Variants in NDUFA6 observed in about 807,000 individuals in gnomAD.
NDUFA6 encodes NADH:ubiquinone oxidoreductase subunit A6, also known as NADH dehydrogenase [ubiquinone] 1 alpha subcomplex subunit 6.
In NDUFA6, 10 loss-of-function variants were observed where a neutral mutation model predicts 12.5. The observed-to-expected ratio is 0.80, with a 90% CI of 0.49 to 1.35. NDUFA6 has a LOEUF of 1.35. Ranked by LOEUF, NDUFA6 falls within the 40% of genes most tolerant of loss-of-function variation. The pLI, the probability that NDUFA6 is intolerant of heterozygous loss-of-function variation, is 0.00. For missense variants in NDUFA6, 177 were observed against 173.5 expected, an observed-to-expected ratio of 1.02 and a Z score of -0.11; for synonymous variants, 66 against 63.0, an observed-to-expected ratio of 1.05 and a Z score of -0.23.
In NDUFA6 at chr22:42,090,614, G is replaced by T; in HGVS notation, c.131C>A (p.Pro44Gln). ...ELYRAWYREV[P>Q]NTVHQFQLDI... The stretch of plus-strand genomic sequence containing the variant: ...AAGCCGCTACCTCTCACCAGTGTTC[G>T]GCACCTCCCGATACCAGGCGCGGTA... The change falls in exon 1 of 3, where the codon CCG becomes CAG. Residue 44 changes from proline (P) to glutamine (Q), a missense_variant. By Grantham distance (76) the Pro-to-Gln change is moderately conservative (BLOSUM62 -1). Around this residue, in one of 3 missense-constraint regions of NDUFA6, gnomAD observed 111 missense variants for 87.2 expected, o/e 1.27. Coordinates refer to ENST00000498737, the MANE Select transcript of NDUFA6 (RefSeq NM_002490.6). 1 of 1,613,784 alleles carries T rather than the reference G, an allele frequency of 6.2e-7. No homozygotes were observed. Among genetic ancestry groups the T allele is most frequent in the Non-Finnish European group, 8.5e-7 (1 of 1,179,988 alleles).
intron 2 of NDUFA6, among the ~76,000 whole-genome samples, chr22:42,086,811 A>G (rs909125311): frequency 2.0e-5 from 3 of 152,224 alleles, no homozygotes; most frequent in Non-Finnish European, 2.9e-5. Context: ...AGAAGAGTTC[A>G]AACTTTCCTC....
chr22:42,088,359 A>G (rs1177202163), intron 1 of NDUFA6, among the ~76,000 whole-genome samples: 3 of 151,758 alleles, frequency 2.0e-5, no homozygotes, highest in Non-Finnish European at 1.5e-5. Flanking sequence ...GTGAGCCGAG[A>G]TTGCGCCACT....
At chr22:42,088,176 G>A (rs1178902343) in intron 1 of NDUFA6, among the ~76,000 whole-genome samples, 4 of 149,602 alleles carry the variant, frequency 2.7e-5, no homozygotes, top group Admixed American at 6.6e-5. Context: ...GGGAGGCCGA[G>A]GCGGGTGGAT....
chr22:42,089,327 A>AACACACACACACACACACACACAC lies in NDUFA6; in HGVS notation c.139+1255_139+1278dup, dbSNP rs59418535. Among the ~76,000 whole-genome samples, 283 of 147,236 alleles carry AACACACACACACACACACACACAC rather than the reference A, an allele frequency of 1.9e-3. 5 individuals carry two copies. Among genetic ancestry groups the AACACACACACACACACACACACAC allele is most frequent in the African/African-American group, 6.6e-3 (258 of 39,344 alleles). The stretch of plus-strand genomic sequence containing the variant: ...GCTGAATTTGAATGCACCACCCCGA[A>AACACACACACACACACACACACAC]ACACACACACACACACACACACACA... On this transcript the variant is annotated intron_variant, in intron 1 of 2. Transcript: ENST00000498737.
rs1318616651 is a variant in NDUFA6 at position 42,090,714 on chromosome 22, A to T, written c.31T>A (p.Ser11Thr). Reference sequence around the variant, plus strand: ...GGCTTCACGAAGGTGCTGGCGGTAGAAGTAGCTTGGCGGACGCCGCTCCCC... The same window carrying T: ...GGCTTCACGAAGGTGCTGGCGGTAGTAGTAGCTTGGCGGACGCCGCTCCCC... MAGSGVRQAT[S>T]TASTFVKPIF... The change falls in exon 1 of 3, where the codon TCT (serine) becomes ACT (threonine). Residue 11 changes from serine (S) to threonine (T), a missense_variant. Ser to Thr is a moderately conservative substitution (Grantham distance 58). Transcript: ENST00000498737. 6.2e-7 allele frequency: 1 copy of T among 1,614,182 alleles called. No homozygotes were observed. The highest frequency in any genetic ancestry group is 8.5e-7 in the Non-Finnish European group (1 of 1,180,042).
intron 1 of NDUFA6, among the ~76,000 whole-genome samples, chr22:42,087,568 C>T (rs1438835945): frequency 1.3e-5 from 2 of 151,452 alleles, no homozygotes; most frequent in Non-Finnish European, 1.5e-5. Flanking sequence ...TTTGGGAGGC[C>T]GAGGTGGGCG....
In NDUFA6 at chr22:42,090,615, G is replaced by A. The variant is rs747315946; in HGVS notation, c.130C>T (p.Pro44Ser). 1.2e-6 allele frequency: 2 copies of A among 1,613,684 alleles called. No individual in the cohort carries two copies. The highest frequency in any genetic ancestry group is 1.3e-5 in the African/African-American group (1 of 74,944). Reference protein sequence around the residue: ...ELYRAWYREVPNTVHQFQLDI... With the variant: ...ELYRAWYREVSNTVHQFQLDI... ...AGCCGCTACCTCTCACCAGTGTTCG[G>A]CACCTCCCGATACCAGGCGCGGTAG... The change falls in exon 1 of 3, where the codon CCG becomes TCG. Residue 44 changes from proline to serine, a missense_variant. This residue lies in a region of NDUFA6 where 111 missense variants were observed against 87.2 expected (regional missense o/e 1.27). Transcript: ENST00000498737.
rs530030412 is a variant in NDUFA6 at position 42,085,980 on chromosome 22, T to A, written c.*203A>T. Reference sequence around the variant, plus strand: ...ACATGCAAGGCTCTGAGAAAAATAATTCAATCCAATTTACAGCAAACACCA... The same window carrying A: ...ACATGCAAGGCTCTGAGAAAAATAAATCAATCCAATTTACAGCAAACACCA... On this transcript the variant is annotated 3_prime_UTR_variant, in exon 3 of 3. Coordinates refer to ENST00000498737, the MANE Select transcript of NDUFA6 (RefSeq NM_002490.6). 1 of 672,878 alleles carries A rather than the reference T, an allele frequency of 1.5e-6. No homozygotes were observed. The highest frequency in any genetic ancestry group is 2.7e-5 in the East Asian group (1 of 36,720). 41.7% of individuals were successfully genotyped at this position (672,878 alleles called of 1,614,324 possible).
Position 42,085,584 on chromosome 22 carries a change from C to T in NDUFA6, c.*599G>A. On this transcript the variant is annotated 3_prime_UTR_variant, in exon 3 of 3. Transcript: ENST00000498737. ...CCACTGAGAGGTACACCAGGGTTTC[C>T]AAAGACAGTAGGAATATTTCTGTTC... is the stretch of plus-strand genomic sequence containing the variant. The T allele has an allele frequency of 6.2e-6, 1 of 162,288 alleles. No individual in the cohort carries two copies. Among genetic ancestry groups the T allele is most frequent in the East Asian group, 1.8e-4 (1 of 5,574 alleles). The allele number at this position is 162,288 out of a possible 1,614,324, so 10.1% of individuals were successfully genotyped here.
intron 1 of NDUFA6, among the ~76,000 whole-genome samples, chr22:42,088,514 G>C (rs1928414836): frequency 6.6e-6 from 1 of 152,154 alleles, no homozygotes; most frequent in Admixed American, 6.5e-5. Flanking sequence ...GAGGTCAGGA[G>C]TTCAAGACAG....
rs373086282 is a variant in NDUFA6 at position 42,087,104 on chromosome 22, C to T, written c.211G>A (p.Ala71Thr). Residue 71 changes from alanine (A) to threonine (T), a missense_variant, in exon 2 of 3, where the codon GCC (alanine) becomes ACC (threonine). Around this residue, in one of 3 missense-constraint regions of NDUFA6, gnomAD observed 4 missense variants for 16.9 expected, o/e 0.24. Transcript: ENST00000498737. ...DKVREMFMKN[A>T]HVTDPRVVDL... ...ACCACCCTGGGGTCTGTGACATGGG[C>T]ATTCTTCATAAACATTTCTCGGACT... is the stretch of plus-strand genomic sequence containing the variant. 1.9e-6 allele frequency: 3 copies of T among 1,614,162 alleles called. No individual in the cohort carries two copies. Among genetic ancestry groups the T allele is most frequent in the Admixed American group, 1.7e-5 (1 of 60,018 alleles).
chr22:42,088,032 C>T (rs1261346261), intron 1 of NDUFA6, among the ~76,000 whole-genome samples: 4 of 140,306 alleles, frequency 2.9e-5, no homozygotes, highest in African/African-American at 5.4e-5. Context: ...CACTTGAACC[C>T]GGGAGGTGGA....
At chr22:42,087,291 G>T in intron 1 of NDUFA6, 116 bp from the exon 2 acceptor site, 1 of 794,860 alleles carries the variant, frequency 1.3e-6, no homozygotes. Context: ...CAAAAAATTA[G>T]CCTGACCCTA....
At chr22:42,087,991 C>T (rs959522628) in intron 1 of NDUFA6, among the ~76,000 whole-genome samples, 6 of 150,420 alleles carry the variant, frequency 4.0e-5, no homozygotes, top group African/African-American at 1.5e-4. Context: ...GCCTGTAATC[C>T]CAGCTACTCG....
At chr22:42,090,537 AC>A (rs1928575849) in intron 1 of NDUFA6, 68 bp downstream of exon 1, 16 of 1,586,364 alleles carry the variant, frequency 1.0e-5, no homozygotes, top group Non-Finnish European at 1.3e-5. Context: ...CCCATGAGAA[AC>A]CCCGGCCGGG....
Position 42,085,796 on chromosome 22 carries a change from C to G in NDUFA6, c.*387G>C. On this transcript the variant is annotated 3_prime_UTR_variant, in exon 3 of 3. Coordinates refer to ENST00000498737, the MANE Select transcript of NDUFA6 (RefSeq NM_002490.6). The stretch of plus-strand genomic sequence containing the variant: ...TTGCGCCTGTTAGTGCTGCCCTGAT[C>G]CCTGACAGGAAGAGCTGGCTAATTT... 5.8e-6 allele frequency: 2 copies of G among 343,382 alleles called. No homozygotes were observed. Among genetic ancestry groups the G allele is most frequent in the South Asian group, 4.9e-5 (2 of 40,808 alleles). 21.3% of individuals were successfully genotyped at this position (343,382 alleles called of 1,614,324 possible). A position where few individuals can be genotyped will look rare whatever the true frequency, so the allele number is the denominator to read the frequency against.
At position 42,085,808 on chromosome 22, in the gene NDUFA6, G is replaced by T. The variant is rs1769323758; in HGVS notation, c.*375C>A. 1 of 351,426 alleles carries T rather than the reference G, an allele frequency of 2.8e-6. No individual in the cohort carries two copies. Among genetic ancestry groups the T allele is most frequent in the South Asian group, 2.4e-5 (1 of 41,576 alleles). 21.8% of individuals were successfully genotyped at this position (351,426 alleles called of 1,614,324 possible). ...GTGCTGCCCTGATCCCTGACAGGAA[G>T]AGCTGGCTAATTTTAGATAATCTGT... On this transcript the variant is annotated 3_prime_UTR_variant, in exon 3 of 3. Transcript: ENST00000498737.
chr22:42,086,343 C>G, intron 2 of NDUFA6, 29 bp from the exon 3 acceptor site: 1 of 1,614,060 alleles, frequency 6.2e-7, no homozygotes, highest in Non-Finnish European at 8.5e-7. Flanking sequence ...GGTCATCAGT[C>G]AAAGTTGTCA....
At chr22:42,089,829 C>T (rs1012934648) in intron 1 of NDUFA6, 3 of 152,306 alleles carry the variant, frequency 2.0e-5, no homozygotes, top group Non-Finnish European at 2.9e-5. Flanking sequence ...AGTCCGTGCT[C>T]CTAACCACCA....
Sources: allele counts gnomAD v4.1 joint callset (sites outside exome capture counted in the v4.1 genomes callset), GRCh38; gene constraint gnomAD v4.1.1; regional missense constraint gnomAD v4.1.1; transcripts MANE v1.5; gene names NCBI Gene and HGNC (gene_info 2026-07-23, HGNC 2026-07-21).